ZBTB1: variants seen among roughly 807,000 people sequenced by gnomAD.
The protein encoded by ZBTB1 is zinc finger and BTB domain containing 1, also known as zinc finger and BTB domain-containing protein 1.
Under a neutral mutation model 51.6 loss-of-function variants are expected in ZBTB1, and 13 were observed. The ratio of observed to expected loss-of-function variants is 0.25; its 90% CI spans 0.16 to 0.40. ZBTB1 has a LOEUF of 0.40. Ranked by LOEUF, ZBTB1 falls within the 10% of genes least tolerant of loss-of-function variation. The pLI is 1.00. For missense variants in ZBTB1, 567 were observed against 856.5 expected, an observed-to-expected ratio of 0.66 and a Z score of 4.22; for synonymous variants, 240 against 282.2, an observed-to-expected ratio of 0.85 and a Z score of 1.50.
chr14:64,530,554 C>T (rs939178580), intron 2 of ZBTB1, among the ~76,000 whole-genome samples: 4 of 151,578 alleles, frequency 2.6e-5, no homozygotes, highest in African/African-American at 4.9e-5. Flanking sequence ...TTGCACTGAG[C>T]TGATATCGTG....
downstream of ZBTB1, among the ~76,000 whole-genome samples, chr14:64,528,922 C>T (rs916610104): frequency 3.9e-5 from 6 of 152,166 alleles, no homozygotes; most frequent in East Asian, 5.8e-4. Context: ...CTGTACTCCA[C>T]CTATCAAGAA....
Position 64,522,641 on chromosome 14 carries a change from C to T in ZBTB1, c.1137C>T (p.Ser379=), listed in dbSNP as rs1367067547. ...FYRYYVEEDV[S]IKKSGRKTLK... ...GATACTATGTTGAAGAAGATGTCAG[C>T]ATAAAAAAAAGTGGTAGGAAAACTC... The change falls in exon 2 of 2, where the codon AGC becomes AGT. Residue 379 remains serine, a synonymous_variant. Coordinates refer to ENST00000683701, the MANE Select transcript of ZBTB1 (RefSeq NM_001123329.2). 1 of 1,613,976 alleles carries T rather than the reference C, an allele frequency of 6.2e-7. No individual in the cohort carries two copies. Among genetic ancestry groups the T allele is most frequent in the Non-Finnish European group, 8.5e-7 (1 of 1,179,988 alleles).
At chr14:64,530,721 C>T (rs915266757) in intron 2 of ZBTB1, among the ~76,000 whole-genome samples, 1 of 152,112 alleles carries the variant, frequency 6.6e-6, no homozygotes, top group African/African-American at 2.4e-5. Context: ...TTCTCTTATT[C>T]AGGAGAACCA....
chr14:64,511,568 G>T (rs1406601545), intron 1 of ZBTB1, among the ~76,000 whole-genome samples: 1 of 152,148 alleles, frequency 6.6e-6, no homozygotes, highest in Non-Finnish European at 1.5e-5. Flanking sequence ...CATTTCCCTA[G>T]ATCTTCAGAA....
At chr14:64,519,978 A>G (rs1448392260) in intron 1 of ZBTB1, among the ~76,000 whole-genome samples, 1 of 133,102 alleles carries the variant, frequency 7.5e-6, no homozygotes, top group Non-Finnish European at 1.6e-5. Context: ...TTTCTATATA[A>G]TCTAATAAGG....
chr14:64,518,674 A>G (rs2079822965), intron 1 of ZBTB1: 1 of 152,106 alleles, frequency 6.6e-6, no homozygotes, highest in Non-Finnish European at 1.5e-5. Context: ...GTCAAATTGC[A>G]TAGGAACTTA....
intron 1 of ZBTB1, among the ~76,000 whole-genome samples, chr14:64,518,080 G>A (rs558723392): frequency 4.6e-5 from 7 of 151,710 alleles, no homozygotes; most frequent in African/African-American, 1.2e-4. Context: ...CAGGTAATCC[G>A]CCCACCTTGG....
Position 64,521,474 on chromosome 14 carries a change from T to C in ZBTB1, c.-18-13T>C. ...TATATCTTGTTTGACTTTAATATTT[T>C]TGTTTTACATAGGTCTCTAATTAAC... On this transcript the variant is annotated splice_polypyrimidine_tract_variant and intron_variant, in intron 1 of 1. Transcript: ENST00000683701. The C allele has an allele frequency of 6.5e-7, 1 of 1,531,420 alleles. No individual in the cohort carries two copies. The highest frequency in any genetic ancestry group is 1.8e-4 in the Middle Eastern group (1 of 5,674). The allele number at this position is 1,531,420 out of a possible 1,614,324, so 94.9% of individuals were successfully genotyped here. A position where few individuals can be genotyped will look rare whatever the true frequency, so the allele number is the denominator to read the frequency against.
intron 1 of ZBTB1, among the ~76,000 whole-genome samples, chr14:64,521,095 T>G (rs2079855769): frequency 6.6e-6 from 1 of 152,208 alleles, no homozygotes; most frequent in African/African-American, 2.4e-5. Flanking sequence ...ACTCCCGAGC[T>G]CAAGCAATCC....
At chr14:64,520,730 A>C (rs899349531) in intron 1 of ZBTB1, among the ~76,000 whole-genome samples, 1 of 152,240 alleles carries the variant, frequency 6.6e-6, no homozygotes, top group Non-Finnish European at 1.5e-5. Flanking sequence ...TCTCACACTT[A>C]AAAAATGAGC....
At position 64,523,017 on chromosome 14, in the gene ZBTB1, G is replaced by T; in HGVS notation, c.1513G>T (p.Val505Phe). ...DEQSEIRDMF[V>F]EMLDDFRDNH... ...GCAGTCCGAAATAAGAGATATGTTT[G>T]TTGAAATGCTGGATGATTTTAGGGA... is the stretch of plus-strand genomic sequence containing the variant. Residue 505 changes from valine (V) to phenylalanine (F), a missense_variant, in exon 2 of 2, where the codon GTT becomes TTT. Coordinates refer to ENST00000683701, the MANE Select transcript of ZBTB1 (RefSeq NM_001123329.2). This position sits in a 1 kb window ranked among gnomAD's most constrained non-coding sequence, Gnocchi z 4.5. 6.2e-7 allele frequency: 1 copy of T among 1,614,188 alleles called. No individual in the cohort carries two copies. Among genetic ancestry groups the T allele is most frequent in the Non-Finnish European group, 8.5e-7 (1 of 1,180,030 alleles).
intron 1 of ZBTB1, chr14:64,514,100 A>G (rs2079755002): frequency 6.6e-6 from 1 of 152,232 alleles, no homozygotes; most frequent in Non-Finnish European, 1.5e-5. Flanking sequence ...ATGAGTATTC[A>G]ATAGATTCTG....
rs2079943759 is a variant in ZBTB1 at position 64,531,808 on chromosome 14, C to A, written c.1899-53C>A. Reference sequence around the variant, plus strand: ...AAGAATTATGTTGTATCTTGTAGAGCAGTCAACTTGTAATATTATTTTTCT... The same window carrying A: ...AAGAATTATGTTGTATCTTGTAGAGAAGTCAACTTGTAATATTATTTTTCT... On this transcript the variant is annotated intron_variant, in intron 2 of 2. Coordinates refer to the ZBTB1 transcript ENST00000358738. 17 of 1,604,012 alleles carry A rather than the reference C, an allele frequency of 1.1e-5. No homozygotes were observed. In the South Asian group the frequency reaches 1.8e-4, roughly 17 times the overall value.
Position 64,533,016 on chromosome 14 carries a change from T to G in ZBTB1, c.*1119T>G, listed in dbSNP as rs1358458586. The stretch of plus-strand genomic sequence containing the variant: ...GATGTTATTTATTTTGAGAAATGCT[T>G]ATTTTTATGACTATTTATTCCAATG... On this transcript the variant is annotated 3_prime_UTR_variant, in exon 3 of 3. Transcript: ENST00000358738. 12 of 152,278 alleles carry G rather than the reference T, an allele frequency of 7.9e-5. No homozygotes were observed. The East Asian group carries it at 2.3e-3, about 29-fold the overall frequency. The allele number at this position is 152,278 out of a possible 1,614,324, so 9.4% of individuals were successfully genotyped here.
Position 64,522,190 on chromosome 14 carries a change from AATT to A in ZBTB1, c.691_693del (p.Leu231del). ...TGTGGATTTGGCTTTAGCTGTGAAAAATTATTAGATGAGCATGTGCTAACCTGT... is the reference window on the plus strand; with the variant it reads ...TGTGGATTTGGCTTTAGCTGTGAAAAATTAGATGAGCATGTGCTAACCTGT... On this transcript the variant is annotated inframe_deletion, in exon 2 of 2. Coordinates refer to ENST00000683701, the MANE Select transcript of ZBTB1 (RefSeq NM_001123329.2). 6.2e-7 allele frequency: 1 copy of A among 1,614,214 alleles called. No individual in the cohort carries two copies. The highest frequency in any genetic ancestry group is 8.5e-7 in the Non-Finnish European group (1 of 1,180,042).
chr14:64,505,264 C>G (rs1411350574), intron 1 of ZBTB1: 1 of 189,988 alleles, frequency 5.3e-6, no homozygotes. Context: ...GAGGTGTAGA[C>G]GGGAGGCGGG....
At chr14:64,514,833 A>C (rs2079764179) in intron 1 of ZBTB1, among the ~76,000 whole-genome samples, 1 of 152,182 alleles carries the variant, frequency 6.6e-6, no homozygotes, top group Non-Finnish European at 1.5e-5. Flanking sequence ...CCATATATAG[A>C]GGTTATTACT....
In ZBTB1 at chr14:64,523,759, A is replaced by G; in HGVS notation, c.*113A>G. On this transcript the variant is annotated 3_prime_UTR_variant, in exon 2 of 2. Coordinates refer to ENST00000683701, the MANE Select transcript of ZBTB1 (RefSeq NM_001123329.2). The surrounding 1 kb of genome is among the most constrained non-coding windows in gnomAD (Gnocchi z 4.5). The stretch of plus-strand genomic sequence containing the variant: ...GATGATTTGTTAGAAACAAATTTCA[A>G]GGCCCTTTTAACTTTAATATTTTTG... The G allele has an allele frequency of 7.3e-7, 1 of 1,365,846 alleles. No individual in the cohort carries two copies. Among genetic ancestry groups the G allele is most frequent in the Non-Finnish European group, 9.5e-7 (1 of 1,056,060 alleles). 84.6% of individuals were successfully genotyped at this position (1,365,846 alleles called of 1,614,324 possible).
In ZBTB1 at chr14:64,522,723, C is replaced by A. The variant is rs370822062; in HGVS notation, c.1219C>A (p.Pro407Thr). 6.8e-6 allele frequency: 11 copies of A among 1,613,990 alleles called. No homozygotes were observed. The African/African-American group carries it at 1.1e-4, about 16-fold the overall frequency. ...AAGAGGTGGTTTAGAGAATATGAGG[C>A]CCCCTAACAACAGCAGTCCAGTACA... Reference protein sequence around the residue: ...DERGGLENMRPPNNSSPVQED... With the variant: ...DERGGLENMRTPNNSSPVQED... The change falls in exon 2 of 2, where the codon CCC (proline) becomes ACC (threonine). Residue 407 changes from proline (P) to threonine (T), a missense_variant. Transcript: ENST00000683701.
Sources: gnomAD v4.1 joint callset for allele counts (sites outside exome capture counted in the v4.1 genomes callset) on GRCh38, gnomAD v4.1.1 for gene constraint, Gnocchi (gnomAD v3.1) non-coding constraint, MANE v1.5 for transcripts, NCBI Gene and HGNC (gene_info 2026-07-23, HGNC 2026-07-21) for gene names.